The following RRAS2 variants were observed in gnomAD, a reference collection of about 807,000 sequenced individuals.
RRAS2 encodes the protein ras-related protein R-Ras2.
In RRAS2, 7 loss-of-function variants were observed where a neutral mutation model predicts 27.6. The ratio of observed to expected loss-of-function variants is 0.25; its 90% CI spans 0.14 to 0.48. The LOEUF is 0.48. Ranked by LOEUF, RRAS2 falls within the 20% of genes least tolerant of loss-of-function variation. The probability of loss-of-function intolerance (pLI) is 0.99; values close to 1 mark genes in which losing one functional copy is unlikely to be tolerated. For missense variants in RRAS2, 178 were observed against 256.2 expected, an observed-to-expected ratio of 0.69 and a Z score of 2.08; for synonymous variants, 86 against 90.9, an observed-to-expected ratio of 0.95 and a Z score of 0.31.
intron 1 of RRAS2, among the ~76,000 whole-genome samples, chr11:14,317,632 T>A (rs1434326559): frequency 6.6e-6 from 1 of 152,248 alleles, no homozygotes; most frequent in Non-Finnish European, 1.5e-5. Flanking sequence ...GACATTTCAC[T>A]AAATTATTTG....
chr11:14,343,557 C>T (rs1400363247), intron 1 of RRAS2, among the ~76,000 whole-genome samples: 1 of 152,224 alleles, frequency 6.6e-6, no homozygotes, highest in Non-Finnish European at 1.5e-5. Flanking sequence ...GGCGTGGTGG[C>T]TCACGCCTGT....
chr11:14,289,820 C>G (rs1849761447), intron 4 of RRAS2, among the ~76,000 whole-genome samples: 1 of 152,172 alleles, frequency 6.6e-6, no homozygotes, highest in Middle Eastern at 3.2e-3. Flanking sequence ...TTCAGAATCT[C>G]AGGAGCCAGT....
At chr11:14,332,063 T>C (rs1048125302) in intron 1 of RRAS2, among the ~76,000 whole-genome samples, 8 of 152,210 alleles carry the variant, frequency 5.3e-5, no homozygotes, top group African/African-American at 1.4e-4. Context: ...GGAATTTCCA[T>C]ACCCAGTTGC....
Position 14,328,699 on chromosome 11 carries a change from T to C in RRAS2, c.108+30064A>G, listed in dbSNP as rs578173979. 5.9e-5 allele frequency among the ~76,000 whole-genome samples: 9 copies of C among 152,060 alleles called. No homozygotes were observed. In the South Asian group the frequency reaches 1.2e-3, roughly 21 times the overall value. Reference sequence around the variant, plus strand: ...TTTTTTTTCAACAAGAGTTTCGCTCTTGTTGCCCAGACTGGAGTGCAATGG... The same window carrying C: ...TTTTTTTTCAACAAGAGTTTCGCTCCTGTTGCCCAGACTGGAGTGCAATGG... On this transcript the variant is annotated intron_variant, in intron 1 of 5. Transcript: ENST00000256196.
In RRAS2 at chr11:14,321,118, T is replaced by A. The variant is rs1481277224; in HGVS notation, c.109-25263A>T. ...TCACTTGAACCTGGGAGGCAGAGGT[T>A]GCAGTGAGCCGAGATCGGCCAGTGC... On this transcript the variant is annotated intron_variant, in intron 1 of 5. Coordinates refer to ENST00000256196, the MANE Select transcript of RRAS2 (RefSeq NM_012250.6). 2.0e-5 allele frequency among the ~76,000 whole-genome samples: 3 copies of A among 151,640 alleles called. No homozygotes were observed. In the South Asian group the frequency reaches 6.2e-4, roughly 32 times the overall value.
chr11:14,328,111 T>C (rs781996925), intron 1 of RRAS2, among the ~76,000 whole-genome samples: 1 of 152,172 alleles, frequency 6.6e-6, no homozygotes, highest in Non-Finnish European at 1.5e-5. Flanking sequence ...CTCATGCCTA[T>C]AATTCTCGCA....
At chr11:14,302,481 C>T (rs1202975617) in intron 1 of RRAS2, among the ~76,000 whole-genome samples, 1 of 152,226 alleles carries the variant, frequency 6.6e-6, no homozygotes, top group African/African-American at 2.4e-5. Context: ...CTGTTTGAGT[C>T]CTTGGGTAAA....
chr11:14,316,092 G>A (rs1374149406), intron 1 of RRAS2, among the ~76,000 whole-genome samples: 3 of 152,146 alleles, frequency 2.0e-5, no homozygotes, highest in Admixed American at 6.6e-5. Context: ...CCCATAACAG[G>A]AAGTTTGGTC....
At chr11:14,338,862 T>A (rs1208406286) in intron 1 of RRAS2, among the ~76,000 whole-genome samples, 1 of 152,162 alleles carries the variant, frequency 6.6e-6, no homozygotes, top group Non-Finnish European at 1.5e-5. Context: ...TCTTGGGATT[T>A]AAAACTTCAA....
At chr11:14,328,897 C>T (rs928613194) in intron 1 of RRAS2, among the ~76,000 whole-genome samples, 1 of 151,716 alleles carries the variant, frequency 6.6e-6, no homozygotes, top group African/African-American at 2.4e-5. Flanking sequence ...CTGCCAACCT[C>T]AGGTGATCCA....
chr11:14,307,425 C>T (rs1554948253), intron 1 of RRAS2, among the ~76,000 whole-genome samples: 3 of 152,118 alleles, frequency 2.0e-5, no homozygotes, highest in Non-Finnish European at 1.5e-5. Context: ...CTCATTTTGT[C>T]GCCCAGGCTG....
intron 1 of RRAS2, among the ~76,000 whole-genome samples, chr11:14,303,556 G>GA (rs1847764559): frequency 6.6e-6 from 1 of 152,144 alleles, no homozygotes; most frequent in Non-Finnish European, 1.5e-5. Flanking sequence ...CAGCGACAGA[G>GA]AGAGACCCCC....
At chr11:14,341,588 C>T (rs1044420902) in intron 1 of RRAS2, among the ~76,000 whole-genome samples, 3 of 149,138 alleles carry the variant, frequency 2.0e-5, no homozygotes, top group African/African-American at 7.3e-5. Flanking sequence ...TTGAGAAGGA[C>T]CAAAAAAAAA....
At chr11:14,303,803 GAGTGGGAACTGAAGC>G (rs1309563438) in intron 1 of RRAS2, among the ~76,000 whole-genome samples, 1 of 152,160 alleles carries the variant, frequency 6.6e-6, no homozygotes, top group Admixed American at 6.5e-5. Context: ...GGCTCCTTCA[GAGTGGGAACTGAAGC>G]AGTGGGAAAA....
intron 1 of RRAS2, among the ~76,000 whole-genome samples, chr11:14,301,745 G>A (rs562781828): frequency 6.4e-4 from 97 of 152,238 alleles, no homozygotes; most frequent in African/African-American, 2.3e-3. Context: ...TTGGGAGGCC[G>A]AGGCAAGTGG....
At chr11:14,337,108 C>T (rs1255562336) in intron 1 of RRAS2, 1 of 152,158 alleles carries the variant, frequency 6.6e-6, no homozygotes, top group East Asian at 1.9e-4. Flanking sequence ...CCTTGCTTAT[C>T]CCCAGTTTCA....
At chr11:14,351,554 C>G (rs1397956456) in intron 1 of RRAS2, among the ~76,000 whole-genome samples, 1 of 152,106 alleles carries the variant, frequency 6.6e-6, no homozygotes, top group Non-Finnish European at 1.5e-5. Context: ...CGGTGAAACT[C>G]CGTCTCTACT....
intron 1 of RRAS2, among the ~76,000 whole-genome samples, chr11:14,312,444 C>CA (rs562604772): frequency 3.2e-3 from 488 of 152,208 alleles, no homozygotes; most frequent in Admixed American, 5.0e-3. Context: ...TTTTTAGAGA[C>CA]AATCTTGCTC....
rs1378694223 is a variant in RRAS2, at chr11:14,329,062, T to TATAC, written c.108+29697_108+29700dup. Among the ~76,000 whole-genome samples the TATAC allele has an allele frequency of 4.3e-5, 4 of 93,164 alleles. 1 individual carries two copies. Among genetic ancestry groups the TATAC allele is most frequent in the Admixed American group, 3.9e-4 (3 of 7,778 alleles). The allele number at this position is 93,164 out of a possible 152,430, so 61.1% of individuals were successfully genotyped here. Reference sequence around the variant, plus strand: ...ACATATATATGTATATACACACACATATACATACACACACACACACACACA... The same window carrying TATAC: ...ACATATATATGTATATACACACACATATACATACATACACACACACACACACACA... On this transcript the variant is annotated intron_variant, in intron 1 of 5. Coordinates refer to ENST00000256196, the MANE Select transcript of RRAS2 (RefSeq NM_012250.6).
Sources: gnomAD v4.1 joint callset for allele counts (sites outside exome capture counted in the v4.1 genomes callset) on GRCh38, gnomAD v4.1.1 for gene constraint, MANE v1.5 for transcripts, NCBI Gene and HGNC (gene_info 2026-07-23, HGNC 2026-07-21) for gene names.